Variants in ANKRD24 observed in about 807,000 individuals in gnomAD.
ANKRD24 encodes the protein ankyrin repeat domain-containing protein 24.
Under a neutral mutation model 127.8 loss-of-function variants are expected in ANKRD24, and 109 were observed. That is an observed-to-expected ratio of 0.85 (90% CI 0.73 to 1.00). The LOEUF (loss-of-function observed/expected upper bound fraction) is 1.00. Among genes scored for constraint, ANKRD24 ranks in the 50% least tolerant of loss-of-function variants. The pLI is 0.00. For missense variants in ANKRD24, 1,648 were observed against 1,570.2 expected, an observed-to-expected ratio of 1.05 and a Z score of -0.84; for synonymous variants, 743 against 671.1, an observed-to-expected ratio of 1.11 and a Z score of -1.66.
At chr19:4,204,260 GC>G (rs1263379970) in intron 7 of ANKRD24, among the ~76,000 whole-genome samples, 1 of 152,102 alleles carries the variant, frequency 6.6e-6, no homozygotes, top group African/African-American at 2.4e-5. Flanking sequence ...CACCGTGCCG[GC>G]CCTTCTCCTT....
chr19:4,213,096 A>C (rs75117181), intron 15 of ANKRD24, among the ~76,000 whole-genome samples: 25,752 of 151,932 alleles, frequency 0.17, 2,515 homozygotes, highest in East Asian at 0.33. Context: ...GCACCACTGC[A>C]CTCCAGCCTG....
At chr19:4,183,790 G>A (rs1035581273) in intron 1 of ANKRD24, among the ~76,000 whole-genome samples, 6 of 152,028 alleles carry the variant, frequency 3.9e-5, no homozygotes, top group East Asian at 1.9e-4. Context: ...GCCTGTAATC[G>A]CAGCTGCTCG....
chr19:4,209,742 G>A (rs1969599689), intron 11 of ANKRD24, among the ~76,000 whole-genome samples: 3 of 152,152 alleles, frequency 2.0e-5, no homozygotes, highest in Non-Finnish European at 4.4e-5. Flanking sequence ...GTGAGCCACC[G>A]CGCTGGCCCC....
chr19:4,185,464 G>C (rs1333987185), intron 1 of ANKRD24, among the ~76,000 whole-genome samples: 2 of 152,030 alleles, frequency 1.3e-5, no homozygotes, highest in African/African-American at 4.8e-5. Flanking sequence ...CTTGGTAAGA[G>C]GCAAATACAG....
chr19:4,190,679 G>C (rs529199887), intron 2 of ANKRD24, among the ~76,000 whole-genome samples: 2 of 152,140 alleles, frequency 1.3e-5, no homozygotes, highest in African/African-American at 4.8e-5. Context: ...GTTGCAGTGA[G>C]CCGAGATCAC....
chr19:4,217,643 A>C lies in ANKRD24; in HGVS notation c.2483A>C (p.Glu828Ala), dbSNP rs1440830797. The change falls in exon 18 of 22, where the codon GAG becomes GCG. Residue 828 changes from glutamate (E) to alanine (A), a missense_variant. Glu to Ala is a moderately radical substitution (Grantham distance 107, BLOSUM62 -1). Transcript: ENST00000318934. The stretch of plus-strand genomic sequence containing the variant: ...GCCAGCCGGCTGCTGGCGGAGGAGG[A>C]GGCGCGGGGCCTGCGGGCCGAGCTG... ...ARASRLLAEE[E>A]ARGLRAELAQ... The C allele has an allele frequency of 3.5e-5, 45 of 1,281,802 alleles. No homozygotes were observed. The highest frequency in any genetic ancestry group is 3.8e-5 in the Non-Finnish European group (39 of 1,018,170). The allele number at this position is 1,281,802 out of a possible 1,614,324, so 79.4% of individuals were successfully genotyped here.
Position 4,198,583 on chromosome 19 carries a change from C to G in ANKRD24, c.37-1100C>G. On this transcript the variant is annotated intron_variant, in intron 2 of 21. Coordinates refer to ENST00000318934, the MANE Select transcript of ANKRD24 (RefSeq NM_001393985.1). The surrounding 1 kb of genome is among the most constrained non-coding windows in gnomAD (Gnocchi z 6.1). ...AGCGGGCGGGGCGCGGGTACCTCCT[C>G]TCCCCTCCCTTCCCCGTCCCCGGCT... 1 of 462,738 alleles carries G rather than the reference C, an allele frequency of 2.2e-6. No homozygotes were observed. The highest frequency in any genetic ancestry group is 3.8e-6 in the Non-Finnish European group (1 of 261,372). 28.7% of individuals were successfully genotyped at this position (462,738 alleles called of 1,614,324 possible). A position where few individuals can be genotyped will look rare whatever the true frequency, so the allele number is the denominator to read the frequency against.
In ANKRD24 at chr19:4,212,635, A is replaced by G. The variant is rs1426267250; in HGVS notation, c.1134A>G (p.Gln378=). ...TACAGCAGTTGCTGGTGGAGAGACA[A>G]GAGGAGAAGGAGAGCCTGGGACGGG... ...QELQQLLVER[Q]EEKESLGREV... is the part of the protein sequence containing the mutation. The change falls in exon 15 of 22, where the codon CAA becomes CAG. Residue 378 remains glutamine (Q), a synonymous_variant. Coordinates refer to ENST00000318934, the MANE Select transcript of ANKRD24 (RefSeq NM_001393985.1). The G allele has an allele frequency of 2.6e-6, 4 of 1,551,154 alleles. No individual in the cohort carries two copies. In the Admixed American group the frequency reaches 7.8e-5, roughly 30 times the overall value.
intron 1 of ANKRD24, among the ~76,000 whole-genome samples, chr19:4,183,910 AAAAT>A (rs143396713): frequency 5.3e-5 from 8 of 152,090 alleles, no homozygotes; most frequent in African/African-American, 1.2e-4. Flanking sequence ...CTCCGTCTCA[AAAAT>A]AAATAAATAA....
Position 4,217,559 on chromosome 19 carries a change from A to G in ANKRD24, c.2399A>G (p.Asp800Gly). ...GAGCAGGCCCGGGAGGACCTCCGAGACCGGGACTCCCGCCTGCGGGAGCTG... is the reference window on the plus strand; with the variant it reads ...GAGCAGGCCCGGGAGGACCTCCGAGGCCGGGACTCCCGCCTGCGGGAGCTG... ...ALEQAREDLRDRDSRLRELEA... is the reference protein window; with the variant it reads ...ALEQAREDLRGRDSRLRELEA... Residue 800 changes from aspartate (D) to glycine (G), a missense_variant, in exon 18 of 22, where the codon GAC (aspartate) becomes GGC (glycine). By Grantham distance (94) the Asp-to-Gly change is moderately conservative (BLOSUM62 -1). Coordinates refer to ENST00000318934, the MANE Select transcript of ANKRD24 (RefSeq NM_001393985.1). The G allele has an allele frequency of 4.6e-6, 6 of 1,315,254 alleles. No individual in the cohort carries two copies. The highest frequency in any genetic ancestry group is 5.8e-6 in the Non-Finnish European group (6 of 1,037,026). The allele number at this position is 1,315,254 out of a possible 1,614,324, so 81.5% of individuals were successfully genotyped here. A position where few individuals can be genotyped will look rare whatever the true frequency, so the allele number is the denominator to read the frequency against.
intron 2 of ANKRD24, among the ~76,000 whole-genome samples, chr19:4,193,850 A>AGGAT (rs1968535432): frequency 1.8e-4 from 7 of 38,396 alleles, no homozygotes; most frequent in African/African-American, 2.7e-4. Context: ...GGAGGGAGGA[A>AGGAT]GGAAGGAAGG....
At chr19:4,220,497 A>G (rs1970383370) in intron 19 of ANKRD24, among the ~76,000 whole-genome samples, 1 of 152,192 alleles carries the variant, frequency 6.6e-6, no homozygotes, top group Non-Finnish European at 1.5e-5. Flanking sequence ...ACTAATGATG[A>G]TAACAACAGC....
At chr19:4,200,470 C>A (rs555029762) in intron 5 of ANKRD24, among the ~76,000 whole-genome samples, 1 of 151,968 alleles carries the variant, frequency 6.6e-6, no homozygotes, top group African/African-American at 2.4e-5. Context: ...GGGGAAGTAG[C>A]TGGGGCTTGG....
chr19:4,208,919 G>C (rs1969542125), intron 11 of ANKRD24, 118 bp downstream of exon 11: 1 of 1,094,534 alleles, frequency 9.1e-7, no homozygotes, highest in South Asian at 1.4e-5. Context: ...TGTTTGGAAA[G>C]AATGCTACCT....
intron 2 of ANKRD24, among the ~76,000 whole-genome samples, chr19:4,192,325 T>C (rs1032491301): frequency 6.6e-5 from 10 of 152,016 alleles, no homozygotes; most frequent in Admixed American, 1.3e-4. Context: ...TGGAAAGTCC[T>C]CTTTCTCTTT....
intron 1 of ANKRD24, 29 bp downstream of exon 1, chr19:4,182,769 C>G: frequency 1.0e-6 from 1 of 985,272 alleles, no homozygotes; most frequent in Non-Finnish European, 1.2e-6. Flanking sequence ...AAGGGGCTCC[C>G]CGATGACCCG....
At chr19:4,197,839 G>A (rs1478874164) in intron 2 of ANKRD24, among the ~76,000 whole-genome samples, 1 of 152,194 alleles carries the variant, frequency 6.6e-6, no homozygotes, top group African/African-American at 2.4e-5. Context: ...ATGAAAGGGT[G>A]AGCGAATAAA....
intron 1 of ANKRD24, among the ~76,000 whole-genome samples, chr19:4,183,639 C>T (rs972479238): frequency 6.6e-5 from 10 of 152,054 alleles, no homozygotes; most frequent in Middle Eastern, 3.4e-3. Context: ...GTGAGCCGGG[C>T]GCAGTGGCTC....
Position 4,200,181 on chromosome 19 carries a change from G to T in ANKRD24, c.343+10G>T, listed in dbSNP as rs1201251852. 1 of 1,589,060 alleles carries T rather than the reference G, an allele frequency of 6.3e-7. No individual in the cohort carries two copies. Among genetic ancestry groups the T allele is most frequent in the Non-Finnish European group, 8.6e-7 (1 of 1,169,176 alleles). On this transcript the variant is annotated intron_variant, in intron 5 of 21. Coordinates refer to ENST00000318934, the MANE Select transcript of ANKRD24 (RefSeq NM_001393985.1). ...AGCGCGGACGGGGCAGGTACTGCCA[G>T]CTGGGCCCCGGGGAGGGAGGAGGAA...
Sources: allele counts gnomAD v4.1 joint callset (sites outside exome capture counted in the v4.1 genomes callset), GRCh38; gene constraint gnomAD v4.1.1; non-coding constraint Gnocchi (gnomAD v3.1); transcripts MANE v1.5; gene names NCBI Gene and HGNC (gene_info 2026-07-23, HGNC 2026-07-21).